The following NEDD4 variants were observed in gnomAD, a reference collection of about 807,000 sequenced individuals.
NEDD4 encodes E3 ubiquitin-protein ligase NEDD4.
In NEDD4, 99 loss-of-function variants were observed where a neutral mutation model predicts 144.9. That is an observed-to-expected ratio of 0.68 (90% CI 0.58 to 0.81). The LOEUF (loss-of-function observed/expected upper bound fraction) is 0.81, where lower values mean the gene tolerates loss of function less well. Among genes scored for constraint, NEDD4 ranks in the 30% least tolerant of loss-of-function variants. NEDD4 has a pLI of 0.00. For missense variants in NEDD4, 985 were observed against 1,065.9 expected (o/e 0.92, Z 1.06); for synonymous variants, 318 against 350.6 (o/e 0.91, Z 1.04).
intron 5 of NEDD4, among the ~76,000 whole-genome samples, chr15:55,918,301 A>G (rs11632096): frequency 0.32 from 47,960 of 151,906 alleles, 7,714 homozygotes; most frequent in South Asian, 0.41. Context: ...TCAAAATTTA[A>G]TATTTTAATT....
rs932080971 is a variant in NEDD4 at position 55,962,003 on chromosome 15, C to T, written c.119+4470G>A. Among the ~76,000 whole-genome samples, 10 of 152,066 alleles carry T rather than the reference C, an allele frequency of 6.6e-5. No homozygotes were observed. In the East Asian group the frequency reaches 7.7e-4, roughly 12 times the overall value. ...GAAGTGTTAATGCCTCCAACTATGA[C>T]GGTGGGAGTTTTAAAAAGTTCCCCT... On this transcript the variant is annotated intron_variant, in intron 2 of 28. Coordinates refer to ENST00000435532, the MANE Select transcript of NEDD4 (RefSeq NM_006154.4).
At chr15:55,835,425 T>G (rs967510296) in intron 24 of NEDD4, among the ~76,000 whole-genome samples, 2 of 132,104 alleles carry the variant, frequency 1.5e-5, no homozygotes, top group Non-Finnish European at 3.3e-5. Flanking sequence ...GTTCTGTTTT[T>G]TTTTTTTTTT....
intron 4 of NEDD4, among the ~76,000 whole-genome samples, chr15:55,941,726 G>C (rs1210116158): frequency 3.3e-5 from 5 of 152,006 alleles, no homozygotes; most frequent in African/African-American, 9.7e-5. Context: ...ATCACACCCA[G>C]CTACTTTTTG....
intron 4 of NEDD4, among the ~76,000 whole-genome samples, chr15:55,947,581 A>C (rs1461190255): frequency 1.3e-5 from 2 of 151,958 alleles, no homozygotes; most frequent in African/African-American, 4.8e-5. Flanking sequence ...AATTCTACCA[A>C]AGGTACAAGG....
chr15:55,883,982 C>A (rs2035297145), intron 5 of NEDD4, among the ~76,000 whole-genome samples: 1 of 151,558 alleles, frequency 6.6e-6, no homozygotes, highest in African/African-American at 2.4e-5. Context: ...CAGGTTCAAG[C>A]AATTCTCCTG....
intron 2 of NEDD4, among the ~76,000 whole-genome samples, chr15:55,957,054 T>C (rs1025171546): frequency 2.0e-5 from 3 of 152,364 alleles, no homozygotes; most frequent in Admixed American, 1.3e-4. Context: ...TTTTATACAA[T>C]TGTAAACACG....
chr15:55,862,302 A>C (rs2034437105), intron 9 of NEDD4, among the ~76,000 whole-genome samples: 1 of 152,188 alleles, frequency 6.6e-6, no homozygotes, highest in Non-Finnish European at 1.5e-5. Context: ...TATGGAAGGA[A>C]AAATGGAAGG....
At chr15:55,911,510 C>T (rs2036271574) in intron 5 of NEDD4, among the ~76,000 whole-genome samples, 2 of 151,990 alleles carry the variant, frequency 1.3e-5, no homozygotes, top group Non-Finnish European at 2.9e-5. Context: ...CTATTTAGCA[C>T]ATCACATATT....
intron 5 of NEDD4, among the ~76,000 whole-genome samples, chr15:55,876,503 C>G (rs1426619160): frequency 6.6e-6 from 1 of 151,942 alleles, no homozygotes; most frequent in Non-Finnish European, 1.5e-5. Flanking sequence ...ATAATCAAAT[C>G]TATATTGTTG....
chr15:55,841,831 A>G (rs1229825228), intron 19 of NEDD4, 103 bp downstream of exon 19: 1 of 940,482 alleles, frequency 1.1e-6, no homozygotes. Context: ...TCGGCCTCCC[A>G]AAGTGCTGGG....
At chr15:55,991,296 G>C (rs957740064) in intron 1 of NEDD4, among the ~76,000 whole-genome samples, 2 of 152,170 alleles carry the variant, frequency 1.3e-5, no homozygotes, top group African/African-American at 4.8e-5. Flanking sequence ...GGGTGTTTGG[G>C]GGTGGGGAGG....
chr15:55,830,015 G>C lies in NEDD4; in HGVS notation c.2601-16C>G. On this transcript the variant is annotated splice_polypyrimidine_tract_variant and intron_variant, in intron 28 of 28. Coordinates refer to ENST00000435532, the MANE Select transcript of NEDD4 (RefSeq NM_006154.4). The stretch of plus-strand genomic sequence containing the variant: ...GCGATTAAAACTGAAAGAACAGAGA[G>C]GAAGTGGTTATGAAAGACACTGACA... 6.3e-7 allele frequency: 1 copy of C among 1,589,072 alleles called. No homozygotes were observed. The highest frequency in any genetic ancestry group is 8.6e-7 in the Non-Finnish European group (1 of 1,160,558).
At position 55,840,021 on chromosome 15, in the gene NEDD4, T is replaced by A. The variant is rs1490479181; in HGVS notation, c.2031+426A>T. ...AAAAATATATATATATATATATATATATATATATATATATATATATAACAT... is the reference window on the plus strand; with the variant it reads ...AAAAATATATATATATATATATATAAATATATATATATATATATATAACAT... On this transcript the variant is annotated intron_variant, in intron 21 of 28. Coordinates refer to ENST00000435532, the MANE Select transcript of NEDD4 (RefSeq NM_006154.4). 3.3e-3 allele frequency among the ~76,000 whole-genome samples: 196 copies of A among 59,690 alleles called. 4 individuals are homozygous for A. The highest frequency in any genetic ancestry group is 9.7e-3 in the African/African-American group (145 of 14,980). 39.2% of individuals were successfully genotyped at this position (59,690 alleles called of 152,430 possible). A position where few individuals can be genotyped will look rare whatever the true frequency, so the allele number is the denominator to read the frequency against.
At chr15:55,948,728 T>A (rs1375220011) in intron 4 of NEDD4, among the ~76,000 whole-genome samples, 40 of 152,142 alleles carry the variant, frequency 2.6e-4, no homozygotes, top group Admixed American at 1.6e-3. Flanking sequence ...TAATAAATGG[T>A]GCTGGGAAAA....
intron 4 of NEDD4, among the ~76,000 whole-genome samples, chr15:55,931,658 A>G (rs938014567): frequency 2.6e-5 from 4 of 152,234 alleles, no homozygotes; most frequent in African/African-American, 9.6e-5. Flanking sequence ...TAAGTATATG[A>G]TTCTATTGTG....
intron 2 of NEDD4, among the ~76,000 whole-genome samples, chr15:55,955,073 T>G (rs1240561424): frequency 2.0e-5 from 3 of 151,030 alleles, no homozygotes; most frequent in Admixed American, 6.6e-5. Context: ...CAGGCTGGAG[T>G]GCAGTGCTGC....
intron 15 of NEDD4, 110 bp downstream of exon 15, chr15:55,848,696 C>G (rs2033852353): frequency 2.3e-6 from 3 of 1,285,314 alleles, no homozygotes; most frequent in Non-Finnish European, 3.3e-6. Flanking sequence ...TAGAAGGTAT[C>G]AACATTTTAA....
chr15:55,842,332 T>C (rs924714602), intron 18 of NEDD4, among the ~76,000 whole-genome samples, 169 bp from the exon 19 acceptor site: 4 of 152,230 alleles, frequency 2.6e-5, no homozygotes, highest in Admixed American at 6.5e-5. Flanking sequence ...GTTTCCTCTA[T>C]GGTATGAGAC....
chr15:55,850,803 G>A (rs1202879862), intron 13 of NEDD4, 61 bp from the exon 14 acceptor site: 1 of 1,454,278 alleles, frequency 6.9e-7, no homozygotes, highest in Non-Finnish European at 9.2e-7. Flanking sequence ...AATAGATGTA[G>A]TTAAAAAGGT....
Sources: allele counts gnomAD v4.1 joint callset (sites outside exome capture counted in the v4.1 genomes callset), GRCh38; gene constraint gnomAD v4.1.1; transcripts MANE v1.5; gene names NCBI Gene and HGNC (gene_info 2026-07-23, HGNC 2026-07-21).